Variants in NPHP4 observed in about 807,000 individuals in gnomAD.
NPHP4 encodes nephrocystin-4.
Under a neutral mutation model 155.8 loss-of-function variants are expected in NPHP4, and 151 were observed. The ratio of observed to expected loss-of-function variants is 0.97; its 90% confidence interval spans 0.85 to 1.11. NPHP4 has a LOEUF of 1.11. Among genes scored for constraint, NPHP4 ranks in the 50% least tolerant of loss-of-function variants. NPHP4 has a pLI of 0.00. For missense variants in NPHP4, 1,956 were observed against 1,925.7 expected, an observed-to-expected ratio of 1.02 and a Z score of -0.29; for synonymous variants, 845 against 816.8, an observed-to-expected ratio of 1.03 and a Z score of -0.59.
At chr1:5,898,843 G>GCACACACACA (rs146386955) in intron 16 of NPHP4, among the ~76,000 whole-genome samples, 22 of 149,642 alleles carry the variant, frequency 1.5e-4, no homozygotes, top group African/African-American at 4.6e-4. Context: ...ACCCACACAT[G>GCACACACACA]CACACACACA....
chr1:5,864,645 C>T (rs542868831), intron 27 of NPHP4, 128 bp from the exon 28 acceptor site: 1 of 831,442 alleles, frequency 1.2e-6, no homozygotes, highest in East Asian at 2.7e-5. Context: ...GCGGCCAAAT[C>T]TGAGGCCACA....
chr1:5,906,041 G>A (rs1185756340), intron 13 of NPHP4, among the ~76,000 whole-genome samples: 1 of 152,160 alleles, frequency 6.6e-6, no homozygotes, highest in African/African-American at 2.4e-5. Flanking sequence ...AATTTAACTG[G>A]GCATCCTATA....
chr1:5,868,756 C>T (rs1570080706), intron 23 of NPHP4, among the ~76,000 whole-genome samples: 1 of 101,176 alleles, frequency 9.9e-6, no homozygotes, highest in African/African-American at 3.8e-5. Flanking sequence ...CACATGTACA[C>T]ATATGCATGC....
Position 5,961,873 on chromosome 1 carries a change from C to G in NPHP4, c.594G>C (p.Ala198=), listed in dbSNP as rs141538649. 1.6e-5 allele frequency: 26 copies of G among 1,613,844 alleles called. No homozygotes were observed. Among genetic ancestry groups the G allele is most frequent in the Middle Eastern group, 3.3e-4 (2 of 6,062 alleles). The change falls in exon 6 of 30, where the codon GCG becomes GCC. Residue 198 remains alanine, a synonymous_variant. Transcript: ENST00000378156. The part of the protein sequence containing the change: ...TLKPHPALEP[A]FHLLPENLLV... The stretch of plus-strand genomic sequence containing the variant: ...GAAGGTTCTCAGGAAGAAGGTGGAA[C>G]GCAGGCTCCAGGGCCGGGTGTGGCT...
intron 18 of NPHP4, among the ~76,000 whole-genome samples, chr1:5,884,105 T>A (rs1643555040): frequency 6.6e-6 from 1 of 152,200 alleles, no homozygotes; most frequent in South Asian, 2.1e-4. Flanking sequence ...CTGCATTTCA[T>A]CAGGGCACAA....
rs587783026 is a variant in NPHP4 at position 5,887,411 on chromosome 1, A to T, written c.2360T>A (p.Val787Glu). 1 of 1,613,350 alleles carries T rather than the reference A, an allele frequency of 6.2e-7. No individual in the cohort carries two copies. The highest frequency in any genetic ancestry group is 2.2e-5 in the East Asian group (1 of 44,870). ...AVQASHELEVVATEYEQDNMV... is the reference protein window; with the variant it reads ...AVQASHELEVEATEYEQDNMV... The stretch of plus-strand genomic sequence containing the variant: ...GTTGTCCTGCTCGTATTCAGTTGCC[A>T]CGACCTCAAGCTCGTGGGAGGCCTG... Residue 787 changes from valine (V) to glutamate (E), a missense_variant, in exon 18 of 30, where the codon GTG becomes GAG. Transcript: ENST00000378156.
intron 16 of NPHP4, among the ~76,000 whole-genome samples, chr1:5,902,416 A>G (rs145145647): frequency 2.2e-4 from 34 of 152,300 alleles, no homozygotes; most frequent in Middle Eastern, 3.4e-3. Flanking sequence ...CACCCTCTTT[A>G]TCATGAATAA....
chr1:5,912,256 A>AG (rs1388259000), intron 11 of NPHP4, among the ~76,000 whole-genome samples: 1 of 152,076 alleles, frequency 6.6e-6, no homozygotes, highest in East Asian at 1.9e-4. Context: ...AAGTGACGAT[A>AG]GGCCGGGCAC....
intron 7 of NPHP4, among the ~76,000 whole-genome samples, chr1:5,951,929 G>A (rs1437847150): frequency 6.6e-6 from 1 of 152,206 alleles, no homozygotes; most frequent in Non-Finnish European, 1.5e-5. Context: ...AGCGCATGCT[G>A]CGTACTAGGC....
chr1:5,935,264 G>A (rs1466265233), intron 9 of NPHP4, among the ~76,000 whole-genome samples: 1 of 152,084 alleles, frequency 6.6e-6, no homozygotes, highest in Non-Finnish European at 1.5e-5. Context: ...ATCCACTTCT[G>A]CAGAGCCCTT....
intron 7 of NPHP4, among the ~76,000 whole-genome samples, chr1:5,951,394 TG>T (rs1184433120): frequency 2.6e-5 from 4 of 152,238 alleles, no homozygotes; most frequent in Non-Finnish European, 4.4e-5. Flanking sequence ...TCTTTGTTTC[TG>T]AAGTTGAAAG....
intron 20 of NPHP4, chr1:5,876,619 A>G (rs960774132): frequency 6.5e-6 from 1 of 152,982 alleles, no homozygotes; most frequent in Non-Finnish European, 1.5e-5. Context: ...GTGGTTCCCG[A>G]CTTCTATGAA....
intron 9 of NPHP4, among the ~76,000 whole-genome samples, chr1:5,943,245 A>G (rs1004433886): frequency 1.3e-5 from 2 of 152,244 alleles, no homozygotes; most frequent in African/African-American, 4.8e-5. Flanking sequence ...AATTAACAGC[A>G]GATTAAAGTC....
intron 23 of NPHP4, among the ~76,000 whole-genome samples, chr1:5,871,368 C>T (rs1046234888): frequency 6.6e-6 from 1 of 152,170 alleles, no homozygotes; most frequent in Non-Finnish European, 1.5e-5. Context: ...TATAACGCCT[C>T]GGTGTCCATC....
chr1:5,879,628 C>T (rs774055525), intron 19 of NPHP4: 6 of 519,092 alleles, frequency 1.2e-5, no homozygotes, highest in Non-Finnish European at 1.5e-5. Context: ...CCTGCAGAGC[C>T]CAGCCTAGAG....
chr1:5,986,131 T>A (rs756296691), intron 2 of NPHP4, 24 bp downstream of exon 2: 52 of 1,612,738 alleles, frequency 3.2e-5, no homozygotes, highest in Non-Finnish European at 4.2e-6. Context: ...ATAACACGCA[T>A]TTGCTAACAG....
intron 6 of NPHP4, among the ~76,000 whole-genome samples, chr1:5,960,434 C>T (rs1650083754): frequency 6.6e-6 from 1 of 152,162 alleles, no homozygotes; most frequent in South Asian, 2.1e-4. Context: ...GCTGTCATTG[C>T]CAACAACCAG....
intron 7 of NPHP4, 81 bp from the exon 8 acceptor site, chr1:5,948,332 G>A: frequency 1.8e-6 from 2 of 1,092,224 alleles, no homozygotes; most frequent in South Asian, 3.3e-5. Flanking sequence ...GAGGCGAGCA[G>A]AGAGAAGAAA....
At chr1:5,887,576 G>A (rs2100860215) in intron 17 of NPHP4, 110 bp from the exon 18 acceptor site, 2 of 1,206,960 alleles carry the variant, frequency 1.7e-6, no homozygotes, top group African/African-American at 3.0e-5. Flanking sequence ...ACTGTGGGCG[G>A]GAGGGGGTGT....
Sources: gnomAD v4.1 joint callset for allele counts (sites outside exome capture counted in the v4.1 genomes callset) on GRCh38, gnomAD v4.1.1 for gene constraint, MANE v1.5 for transcripts, NCBI Gene and HGNC (gene_info 2026-07-23, HGNC 2026-07-21) for gene names.